The following CPB1 variants were observed in gnomAD, a reference collection of about 807,000 sequenced individuals.
The protein encoded by CPB1 is carboxypeptidase B.
CPB1 carries 53 observed loss-of-function variants against 51.4 expected under a neutral mutation model. The observed-to-expected ratio is 1.03, with a 90% CI of 0.83 to 1.30. The LOEUF (loss-of-function observed/expected upper bound fraction) is 1.30. CPB1 is among the 50% of genes most tolerant of loss of function. CPB1 has a pLI of 0.00. For synonymous variants in CPB1, 189 were observed against 186.9 expected, an observed-to-expected ratio of 1.01 and a Z score of -0.09; for missense variants, 494 against 516.2, an observed-to-expected ratio of 0.96 and a Z score of 0.42.
intron 2 of CPB1, among the ~76,000 whole-genome samples, chr3:148,832,533 G>C (rs1421341681): frequency 1.2e-4 from 18 of 152,162 alleles, no homozygotes; most frequent in Non-Finnish European, 1.6e-4. Context: ...CTAAATAGAA[G>C]TAAAGGCAGC....
At chr3:148,844,893 G>T in intron 8 of CPB1, 126 bp downstream of exon 8, 1 of 761,892 alleles carries the variant, frequency 1.3e-6, no homozygotes, top group Non-Finnish European at 2.0e-6. Context: ...CCTTCTAAAA[G>T]CACCAAAAAA....
chr3:148,857,071 T>TTTTTTTTTG (rs1713591519), intron 9 of CPB1: 1 of 145,282 alleles, frequency 6.9e-6, no homozygotes, highest in African/African-American at 2.5e-5. Flanking sequence ...TGTTTTTTTT[T>TTTTTTTTTG]TTTTTTTTTT....
intron 9 of CPB1, chr3:148,855,284 G>A (rs1034794509): frequency 1.3e-5 from 2 of 152,178 alleles, no homozygotes; most frequent in African/African-American, 4.8e-5. Context: ...GTGTGCACCT[G>A]TGACAGGAAT....
In CPB1 at chr3:148,834,590, G is replaced by A; in HGVS notation, c.240G>A (p.Glu80=). ...AAGCAGAAGATACTGTCACTGTGGA[G>A]AATGTTCTAAAGCAGAATGAACTAC... ...RVKAEDTVTV[E]NVLKQNELQY... Residue 80 remains glutamate, a synonymous_variant, in exon 3 of 11, where the codon GAG becomes GAA. Transcript: ENST00000282957. The A allele has an allele frequency of 6.2e-7, 1 of 1,612,768 alleles. No individual in the cohort carries two copies. Among genetic ancestry groups the A allele is most frequent in the Non-Finnish European group, 8.5e-7 (1 of 1,178,832 alleles).
intron 3 of CPB1, among the ~76,000 whole-genome samples, chr3:148,839,386 G>A (rs757144069): frequency 2.6e-5 from 4 of 152,192 alleles, no homozygotes; most frequent in South Asian, 2.1e-4. Context: ...AAAAATTCAC[G>A]TTGTTTTAAG....
chr3:148,847,829 C>T (rs1207943997), intron 9 of CPB1, among the ~76,000 whole-genome samples: 5 of 152,060 alleles, frequency 3.3e-5, no homozygotes, highest in Admixed American at 3.3e-4. Flanking sequence ...TTTATCTTTA[C>T]CAGAGTACAA....
chr3:148,853,319 T>C (rs1713484661), intron 9 of CPB1, among the ~76,000 whole-genome samples: 1 of 152,216 alleles, frequency 6.6e-6, no homozygotes, highest in African/African-American at 2.4e-5. Context: ...GAACAAGGGC[T>C]ATGTGCACAG....
intron 6 of CPB1, 39 bp downstream of exon 6, chr3:148,841,963 T>C (rs1487568873): frequency 2.9e-6 from 4 of 1,386,604 alleles, no homozygotes; most frequent in Non-Finnish European, 4.1e-6. Context: ...GAGAAATGTA[T>C]GTTTTAATTT....
intron 10 of CPB1, 21 bp downstream of exon 10, chr3:148,857,562 T>C: frequency 1.3e-6 from 2 of 1,588,950 alleles, no homozygotes. Flanking sequence ...GCTTCAGAAC[T>C]GTGCAAAGAA....
chr3:148,848,656 T>C (rs1241865861), intron 9 of CPB1, among the ~76,000 whole-genome samples: 1 of 152,188 alleles, frequency 6.6e-6, no homozygotes, highest in East Asian at 1.9e-4. Context: ...TGAGTCATGA[T>C]AAAAATGTAT....
intron 2 of CPB1, among the ~76,000 whole-genome samples, chr3:148,829,762 C>A (rs1169662198): frequency 1.3e-5 from 2 of 152,238 alleles, no homozygotes; most frequent in African/African-American, 2.4e-5. Flanking sequence ...GAATTAGAGG[C>A]CTTCTTTACG....
rs1253734402 is a variant in CPB1, at chr3:148,833,848, A to G, written c.148-650A>G. ...CTAATGTATTCCTAGTCTCAGACAC[A>G]GAGCCTAGCATATCGTAGGTTCTCA... On this transcript the variant is annotated intron_variant, in intron 2 of 10. Coordinates refer to ENST00000282957, the MANE Select transcript of CPB1 (RefSeq NM_001871.3). Among the ~76,000 whole-genome samples the G allele has an allele frequency of 4.6e-5, 7 of 152,218 alleles. No individual in the cohort carries two copies. The East Asian group carries it at 1.3e-3, about 29-fold the overall frequency.
chr3:148,841,646 G>T (rs1173158606), intron 5 of CPB1, among the ~76,000 whole-genome samples, 177 bp from the exon 6 acceptor site: 1 of 152,210 alleles, frequency 6.6e-6, no homozygotes, highest in Non-Finnish European at 1.5e-5. Flanking sequence ...CAAACATTGT[G>T]AGTCTAGAAG....
In CPB1 at chr3:148,859,929, T is replaced by C; in HGVS notation, c.1181T>C (p.Ile394Thr). ...RYGFLLPESQIRATCEETFLA... is the reference protein window; with the variant it reads ...RYGFLLPESQTRATCEETFLA... ...GGCTTTCTCCTTCCAGAATCCCAGA[T>C]CCGGGCTACCTGCGAGGAGACCTTC... Residue 394 changes from isoleucine (I) to threonine (T), a missense_variant, in exon 11 of 11, where the codon ATC becomes ACC. Coordinates refer to ENST00000282957, the MANE Select transcript of CPB1 (RefSeq NM_001871.3). The C allele has an allele frequency of 6.2e-7, 1 of 1,614,204 alleles. No homozygotes were observed.
At chr3:148,851,334 C>CAAAAAAAA (rs59423779) in intron 9 of CPB1, 7 of 82,076 alleles carry the variant, frequency 8.5e-5, no homozygotes, top group African/African-American at 1.9e-4. Context: ...GACCCTGTCT[C>CAAAAAAAA]AAAAAAAAAA....
intron 2 of CPB1, among the ~76,000 whole-genome samples, chr3:148,832,955 C>G (rs796836827): frequency 6.6e-6 from 1 of 152,154 alleles, no homozygotes; most frequent in African/African-American, 2.4e-5. Context: ...AAAGACATAT[C>G]TCTCTCTCCC....
At chr3:148,850,545 G>A (rs533916629) in intron 9 of CPB1, among the ~76,000 whole-genome samples, 6 of 152,082 alleles carry the variant, frequency 3.9e-5, no homozygotes, top group African/African-American at 9.6e-5. Context: ...CTTGTGATCC[G>A]CCTGCCTCAG....
Position 148,840,962 on chromosome 3 carries a change from T to C in CPB1, c.461T>C (p.Ile154Thr), listed in dbSNP as rs1713058224. The change falls in exon 5 of 11, where the codon ATT (isoleucine) becomes ACT (threonine). Residue 154 changes from isoleucine to threonine, a missense_variant. By Grantham distance (89) the Ile-to-Thr change is moderately conservative. Transcript: ENST00000282957. ...VIGTTFEGRA[I>T]YLLKVGKAGQ... ...GGAACCACATTTGAGGGACGCGCTATTTACCTCCTGAAGGTAATCATTTTT... is the reference window on the plus strand; with the variant it reads ...GGAACCACATTTGAGGGACGCGCTACTTACCTCCTGAAGGTAATCATTTTT... The C allele has an allele frequency of 6.2e-7, 1 of 1,613,844 alleles. No homozygotes were observed. Among genetic ancestry groups the C allele is most frequent in the South Asian group, 1.1e-5 (1 of 91,058 alleles).
At position 148,860,005 on chromosome 3, in the gene CPB1, G is replaced by C; in HGVS notation, c.*3G>C. 6.2e-7 allele frequency: 1 copy of C among 1,602,644 alleles called. No individual in the cohort carries two copies. Among genetic ancestry groups the C allele is most frequent in the Non-Finnish European group, 8.5e-7 (1 of 1,174,998 alleles). On this transcript the variant is annotated 3_prime_UTR_variant, in exon 11 of 11. Coordinates refer to ENST00000282957, the MANE Select transcript of CPB1 (RefSeq NM_001871.3). ...ACGTCCTGGAACACCTGTACTAGTT[G>C]AGAAAGCTGATGGCCTTGTTTCAAA...
Sources: gnomAD v4.1 joint callset for allele counts (sites outside exome capture counted in the v4.1 genomes callset) on GRCh38, gnomAD v4.1.1 for gene constraint, MANE v1.5 for transcripts, NCBI Gene and HGNC (gene_info 2026-07-23, HGNC 2026-07-21) for gene names.